The following GATAD1 variants were observed in gnomAD, a reference collection of about 807,000 sequenced individuals.
GATAD1 encodes GATA zinc finger domain containing 1.
Under a neutral mutation model 26.5 loss-of-function variants are expected in GATAD1, and 12 were observed. The observed-to-expected ratio is 0.45, with a 90% CI of 0.29 to 0.73. The LOEUF (loss-of-function observed/expected upper bound fraction) is 0.73, where lower values mean the gene tolerates loss of function less well. Ranked by LOEUF, GATAD1 falls within the 30% of genes least tolerant of loss-of-function variation. The probability of loss-of-function intolerance (pLI) is 0.10; values close to 1 mark genes in which losing one functional copy is unlikely to be tolerated. For missense variants in GATAD1, 266 were observed against 342.1 expected (o/e 0.78, Z 1.75); for synonymous variants, 129 against 133.1 (o/e 0.97, Z 0.21).
chr7:92,478,720 C>T, the GATAD1 span, among the ~76,000 whole-genome samples: 1 of 152,106 alleles, frequency 6.6e-6, no homozygotes, highest in Non-Finnish European at 1.5e-5. Context: ...CATTCCAAAC[C>T]ATTCCTTTTC....
At chr7:92,489,274 A>G in the GATAD1 span, 3 of 1,609,728 alleles carry the variant, frequency 1.9e-6, no homozygotes, top group Non-Finnish European at 2.6e-6. Context: ...GTACTTCCAA[A>G]ACAGAATCTG....
chr7:92,448,623 G>A, intron 1 of GATAD1, 129 bp from the exon 2 acceptor site: 1 of 744,176 alleles, frequency 1.3e-6, no homozygotes, highest in Admixed American at 2.3e-5. Flanking sequence ...AAAAGCAAAA[G>A]GGCAATCTTA....
chr7:92,477,172 G>GTGGAAGC, the GATAD1 span, among the ~76,000 whole-genome samples: 12 of 152,146 alleles, frequency 7.9e-5, no homozygotes, highest in Non-Finnish European at 1.5e-5. Flanking sequence ...AAAACTGAAA[G>GTGGAAGC]TGGAAGCTGG....
chr7:92,480,112 G>A, the GATAD1 span, among the ~76,000 whole-genome samples: 5 of 152,238 alleles, frequency 3.3e-5, 1 homozygote, highest in South Asian at 6.2e-4. Flanking sequence ...TAAGGGGTAC[G>A]AAGGTTCCAC....
the GATAD1 span, chr7:92,489,282 C>T: frequency 2.0e-5 from 33 of 1,611,272 alleles, no homozygotes; most frequent in Non-Finnish European, 4.2e-6. Context: ...AAAACAGAAT[C>T]TGTTACTTAC....
chr7:92,455,637 G>A (rs1789638715), intron 4 of GATAD1, among the ~76,000 whole-genome samples: 1 of 152,308 alleles, frequency 6.6e-6, no homozygotes, highest in Non-Finnish European at 1.5e-5. Flanking sequence ...TCTGCAGTGA[G>A]CATGCATCAT....
the GATAD1 span, among the ~76,000 whole-genome samples, chr7:92,476,063 A>G: frequency 6.6e-6 from 1 of 152,176 alleles, no homozygotes; most frequent in Admixed American, 6.5e-5. Flanking sequence ...GGAACCATCT[A>G]TCGTCCTGTC....
chr7:92,486,538 G>A, the GATAD1 span, among the ~76,000 whole-genome samples: 2 of 152,162 alleles, frequency 1.3e-5, no homozygotes, highest in Admixed American at 6.6e-5. Context: ...GATCCACTAA[G>A]TCTTTGTTTC....
rs945895812 is a variant in GATAD1 at position 92,457,111 on chromosome 7, A to AT, written c.*551dup. 3.5e-5 allele frequency: 5 copies of AT among 143,302 alleles called. No individual in the cohort carries two copies. The highest frequency in any genetic ancestry group is 1.3e-4 in the African/African-American group (5 of 38,504). 8.9% of individuals were successfully genotyped at this position (143,302 alleles called of 1,614,324 possible). On this transcript the variant is annotated 3_prime_UTR_variant, in exon 5 of 5. Coordinates refer to ENST00000287957, the MANE Select transcript of GATAD1 (RefSeq NM_021167.5). The stretch of plus-strand genomic sequence containing the variant: ...GAGGTGGAGGTTGTAGTGAGCCAAG[A>AT]TTGCACCGCTGTGCTCCAGCCTGGG...
At chr7:92,471,260 T>C in the GATAD1 span, 1 of 166,794 alleles carries the variant, frequency 6.0e-6, no homozygotes, top group Non-Finnish European at 1.5e-5. Context: ...TCCAGGGTAA[T>C]GGCCTGTTCT....
chr7:92,477,990 C>T, the GATAD1 span: 1 of 152,338 alleles, frequency 6.6e-6, no homozygotes, highest in African/African-American at 2.4e-5. Flanking sequence ...ATTGTTGTCC[C>T]TCCTGCTGTG....
At chr7:92,464,640 G>A (rs1331099229), downstream of GATAD1, among the ~76,000 whole-genome samples, 1 of 152,140 alleles carries the variant, frequency 6.6e-6, no homozygotes, top group African/African-American at 2.4e-5. Flanking sequence ...AAGGGCCTTG[G>A]GAATTAAGAA....
At position 92,452,775 on chromosome 7, in the gene GATAD1, T is replaced by C. The variant is rs77785946; in HGVS notation, c.436-1727T>C. 7.3e-3 allele frequency among the ~76,000 whole-genome samples: 1,119 copies of C among 152,346 alleles called. 12 individuals are homozygous for C. Among genetic ancestry groups the C allele is most frequent in the African/African-American group, 0.025 (1,041 of 41,574 alleles). ...TGGAATCTTTCACTAAGACATTGTT[T>C]TTACTTTGCATTTCTGCCTTTACAC... On this transcript the variant is annotated intron_variant, in intron 3 of 4. Transcript: ENST00000287957.
At chr7:92,493,123 G>A in the GATAD1 span, 11 of 1,588,570 alleles carry the variant, frequency 6.9e-6, no homozygotes, top group East Asian at 2.3e-5. Context: ...ATTTCAAGAC[G>A]TGACACCTGA....
the GATAD1 span, chr7:92,487,610 T>G: frequency 5.9e-6 from 4 of 680,024 alleles, no homozygotes; most frequent in Non-Finnish European, 1.0e-5. Flanking sequence ...TAATGGATTG[T>G]TGGCAAACAC....
chr7:92,492,865 A>G, the GATAD1 span: 1 of 1,036,208 alleles, frequency 9.7e-7, no homozygotes, highest in Non-Finnish European at 1.5e-6. Context: ...AGTTGTTTAA[A>G]AAATAGCATT....
the GATAD1 span, chr7:92,471,490 A>C: frequency 6.6e-6 from 1 of 152,198 alleles, no homozygotes; most frequent in Non-Finnish European, 1.5e-5. Flanking sequence ...TCCCTTCTTC[A>C]GTGGCTAGCC....
the GATAD1 span, chr7:92,475,032 T>G: frequency 6.6e-6 from 1 of 152,140 alleles, no homozygotes; most frequent in East Asian, 1.9e-4. Flanking sequence ...CTCTGAAGGC[T>G]TCCTGTAGGG....
At chr7:92,465,610 C>T in the GATAD1 span, among the ~76,000 whole-genome samples, 1 of 149,234 alleles carries the variant, frequency 6.7e-6, no homozygotes, top group Non-Finnish European at 1.5e-5. Flanking sequence ...AAGAGGGAAA[C>T]TCCATCTCAA....
Sources: gnomAD v4.1 joint callset for allele counts (sites outside exome capture counted in the v4.1 genomes callset) on GRCh38, gnomAD v4.1.1 for gene constraint, MANE v1.5 for transcripts, NCBI Gene and HGNC (gene_info 2026-07-23, HGNC 2026-07-21) for gene names.